CPEB4: variants seen among roughly 807,000 people sequenced by gnomAD.
CPEB4 encodes the protein cytoplasmic polyadenylation element-binding protein 4.
A neutral mutation model predicts 72.5 loss-of-function variants in CPEB4; 12 were observed. The observed-to-expected ratio is 0.17, with a 90% CI of 0.11 to 0.27. CPEB4 has a LOEUF of 0.27. Ranked by LOEUF, CPEB4 falls within the 10% of genes least tolerant of loss-of-function variation. CPEB4 has a pLI of 1.00. For synonymous variants in CPEB4, 302 were observed against 326.3 expected (o/e 0.93, Z 0.80); for missense variants, 614 against 908.5 (o/e 0.68, Z 4.17).
intron 2 of CPEB4, among the ~76,000 whole-genome samples, chr5:173,926,318 A>AT (rs374623840): frequency 7.2e-5 from 11 of 152,234 alleles, no homozygotes; most frequent in African/African-American, 2.2e-4. Flanking sequence ...TTCTCCTTTT[A>AT]TTTTTTGACT....
intron 3 of CPEB4, among the ~76,000 whole-genome samples, chr5:173,937,807 CTCTTT>C (rs1363596918): frequency 3.9e-5 from 6 of 152,182 alleles, no homozygotes; most frequent in Non-Finnish European, 5.9e-5. Context: ...GCATTCTCTG[CTCTTT>C]TCTAAGGTAG....
At chr5:173,916,112 C>T (rs1160249870) in intron 2 of CPEB4, among the ~76,000 whole-genome samples, 1 of 152,108 alleles carries the variant, frequency 6.6e-6, no homozygotes, top group Non-Finnish European at 1.5e-5. Context: ...CAAAATGAGA[C>T]AGCAAAATTA....
intron 1 of CPEB4, among the ~76,000 whole-genome samples, chr5:173,909,924 C>T (rs557699613): frequency 2.0e-5 from 3 of 151,402 alleles, no homozygotes; most frequent in Admixed American, 6.6e-5. Context: ...TATTTGAACC[C>T]GGGAGGCAGA....
Position 173,958,981 on chromosome 5 carries a change from A to T in CPEB4, c.*2844A>T, listed in dbSNP as rs1485579935. On this transcript the variant is annotated 3_prime_UTR_variant, in exon 10 of 10. Coordinates refer to ENST00000265085, the MANE Select transcript of CPEB4 (RefSeq NM_030627.4). ...ACTAATATTTACTTGTGATTGTGTG[A>T]CAAGTGTGTTTACAGATTATTGGTT... 2 of 152,760 alleles carry T rather than the reference A, an allele frequency of 1.3e-5. No homozygotes were observed. The highest frequency in any genetic ancestry group is 2.9e-5 in the Non-Finnish European group (2 of 68,010). The allele number at this position is 152,760 out of a possible 1,614,324, so 9.5% of individuals were successfully genotyped here.
rs147210641 is a variant in CPEB4 at position 173,933,992 on chromosome 5, C to T, written c.1258+1492C>T. On this transcript the variant is annotated intron_variant, in intron 3 of 9. Coordinates refer to ENST00000265085, the MANE Select transcript of CPEB4 (RefSeq NM_030627.4). ...GAGTCCAGGAATTCAACACCAGCCT[C>T]GGCAACATGGCCAAACCTTGTCTCT... 1.8e-4 allele frequency among the ~76,000 whole-genome samples: 27 copies of T among 152,308 alleles called. No individual in the cohort carries two copies. The East Asian group carries it at 4.6e-3, about 26-fold the overall frequency.
In CPEB4 at chr5:173,953,192, G is replaced by T; in HGVS notation, c.1882G>T (p.Ala628Ser). The change falls in exon 9 of 10, where the codon GCG becomes TCG. Residue 628 changes from alanine (A) to serine (S), a missense_variant. Coordinates refer to ENST00000265085, the MANE Select transcript of CPEB4 (RefSeq NM_030627.4). ...ATACCCAAAAGGAGCTGGGAGAGTT[G>T]CGTTCTCTAATCAACAGAGTTACAT... ...LKYPKGAGRV[A>S]FSNQQSYIAA... 6.2e-7 allele frequency: 1 copy of T among 1,613,852 alleles called. No individual in the cohort carries two copies. Among genetic ancestry groups the T allele is most frequent in the Non-Finnish European group, 8.5e-7 (1 of 1,179,838 alleles).
chr5:173,912,626 ATTT>A (rs80201581), intron 2 of CPEB4, among the ~76,000 whole-genome samples: 6 of 143,548 alleles, frequency 4.2e-5, no homozygotes, highest in South Asian at 2.2e-4. Flanking sequence ...TAATAAAATA[ATTT>A]TTTTTTTTTT....
chr5:173,890,154 A>G lies in CPEB4; in HGVS notation c.421A>G (p.Thr141Ala). 4 of 1,614,158 alleles carry G rather than the reference A, an allele frequency of 2.5e-6. No homozygotes were observed. Among genetic ancestry groups the G allele is most frequent in the Non-Finnish European group, 3.4e-6 (4 of 1,180,030 alleles). The change falls in exon 1 of 10, where the codon ACA (threonine) becomes GCA (alanine). Residue 141 changes from threonine (T) to alanine (A), a missense_variant. This residue lies in a region of CPEB4 where 458 missense variants were observed against 548.6 expected (regional missense o/e 0.83). Transcript: ENST00000265085. ...AATAAGGATCGAATCTCCAGTGTTGACAGGGTTTGATTATCAAGAAGCCAC... is the reference window on the plus strand; with the variant it reads ...AATAAGGATCGAATCTCCAGTGTTGGCAGGGTTTGATTATCAAGAAGCCAC... ...EKIRIESPVL[T>A]GFDYQEATGL...
intron 3 of CPEB4, among the ~76,000 whole-genome samples, chr5:173,940,567 A>G (rs568135424): frequency 1.3e-5 from 2 of 152,324 alleles, no homozygotes; most frequent in African/African-American, 2.4e-5. Context: ...TTAGCATTCT[A>G]TTAATGTCTG....
intron 4 of CPEB4, among the ~76,000 whole-genome samples, chr5:173,943,564 A>T (rs896753688): frequency 5.3e-5 from 8 of 152,164 alleles, no homozygotes; most frequent in African/African-American, 1.9e-4. Context: ...AAAGCTCTAG[A>T]AATTTTAGGT....
chr5:173,932,531 T>C (rs1757483939), intron 3 of CPEB4, 31 bp downstream of exon 3: 1 of 1,531,718 alleles, frequency 6.5e-7, no homozygotes, highest in Non-Finnish European at 9.0e-7. Flanking sequence ...CCTAGTGAAG[T>C]GCACAAAACT....
chr5:173,895,130 G>A (rs968436958), intron 1 of CPEB4, among the ~76,000 whole-genome samples: 2 of 151,942 alleles, frequency 1.3e-5, no homozygotes, highest in African/African-American at 4.8e-5. Flanking sequence ...CAAAATGAAG[G>A]TCCATATTCA....
At chr5:173,898,303 A>T (rs900655641) in intron 1 of CPEB4, among the ~76,000 whole-genome samples, 13 of 152,152 alleles carry the variant, frequency 8.5e-5, no homozygotes, top group Admixed American at 5.2e-4. Flanking sequence ...CTGCCATTTT[A>T]TTGTCTATGA....
chr5:173,893,306 G>A (rs1026953884), intron 1 of CPEB4: 3 of 152,010 alleles, frequency 2.0e-5, no homozygotes, highest in African/African-American at 2.4e-5. Context: ...GTTGGTATAA[G>A]TAACTTGGTT....
chr5:173,929,768 C>T (rs1217022434), intron 2 of CPEB4, among the ~76,000 whole-genome samples: 3 of 152,158 alleles, frequency 2.0e-5, no homozygotes, highest in African/African-American at 4.8e-5. Flanking sequence ...TCATATAGAA[C>T]AGCCTTGGTT....
intron 5 of CPEB4, among the ~76,000 whole-genome samples, chr5:173,946,916 G>A (rs1454711548): frequency 6.6e-6 from 1 of 151,880 alleles, no homozygotes; most frequent in East Asian, 1.9e-4. Context: ...CACCATAATG[G>A]TGCAATACCA....
rs1755686567 is a variant in CPEB4 at position 173,888,438 on chromosome 5, G to A, written c.-1296G>A. ...TGGCGGCGGCGGCGGCGGCAGCAGC[G>A]GCGACAGCAGAGGAGGAAGAGGAGG... On this transcript the variant is annotated 5_prime_UTR_variant, in exon 1 of 10. Transcript: ENST00000265085. The surrounding 1 kb of genome is among the most constrained non-coding windows in gnomAD (Gnocchi z 4.3). 4.4e-6 allele frequency: 2 copies of A among 451,116 alleles called. No homozygotes were observed. The highest frequency in any genetic ancestry group is 7.6e-6 in the Non-Finnish European group (2 of 261,632). 27.9% of individuals were successfully genotyped at this position (451,116 alleles called of 1,614,324 possible).
At chr5:173,897,324 C>T (rs1340427646) in intron 1 of CPEB4, among the ~76,000 whole-genome samples, 1 of 152,164 alleles carries the variant, frequency 6.6e-6, no homozygotes, top group Non-Finnish European at 1.5e-5. Context: ...AAGGAGACTA[C>T]ATTTTAATGG....
Position 173,889,983 on chromosome 5 carries a change from C to A in CPEB4, c.250C>A (p.Gln84Lys). Residue 84 changes from glutamine to lysine, a missense_variant, in exon 1 of 10, where the codon CAA (glutamine) becomes AAA (lysine). Physicochemically the swap from Gln to Lys is moderately conservative, Grantham distance 53. Transcript: ENST00000265085. ...ILGSEKAKSQQQEQQDPLEKQ... is the reference protein window; with the variant it reads ...ILGSEKAKSQKQEQQDPLEKQ... Reference sequence around the variant, plus strand: ...GGGGTCAGAAAAAGCAAAAAGTCAGCAACAGGAACAGCAAGACCCCTTAGA... The same window carrying A: ...GGGGTCAGAAAAAGCAAAAAGTCAGAAACAGGAACAGCAAGACCCCTTAGA... The A allele has an allele frequency of 1.2e-6, 2 of 1,614,164 alleles. No homozygotes were observed. The highest frequency in any genetic ancestry group is 1.7e-6 in the Non-Finnish European group (2 of 1,180,034).
Sources: gnomAD v4.1 joint callset for allele counts (sites outside exome capture counted in the v4.1 genomes callset) on GRCh38, gnomAD v4.1.1 for gene constraint, gnomAD v4.1.1 regional missense constraint, Gnocchi (gnomAD v3.1) non-coding constraint, MANE v1.5 for transcripts, NCBI Gene and HGNC (gene_info 2026-07-23, HGNC 2026-07-21) for gene names.